The following MLLT3 variants were observed in gnomAD, a reference collection of about 807,000 sequenced individuals.
MLLT3 encodes MLLT3 super elongation complex subunit, also known as protein AF-9.
In MLLT3, 4 loss-of-function variants were observed where a neutral mutation model predicts 53.2. The ratio of observed to expected loss-of-function variants is 0.08; its 90% CI spans 0.04 to 0.17. The LOEUF (loss-of-function observed/expected upper bound fraction) is 0.17, where lower values mean the gene tolerates loss of function less well. MLLT3 is among the 10% of genes least tolerant of loss of function. The pLI is 1.00. For missense variants in MLLT3, 569 were observed against 684.0 expected, an observed-to-expected ratio of 0.83 and a Z score of 1.87; for synonymous variants, 283 against 230.6, an observed-to-expected ratio of 1.23 and a Z score of -2.06.
At chr9:20,381,602 T>C (rs16938043) in intron 5 of MLLT3, among the ~76,000 whole-genome samples, 3,056 of 152,012 alleles carry the variant, frequency 0.02, 70 homozygotes, top group African/African-American at 0.065. Context: ...ATGAAATACA[T>C]GTACTTGCAT....
At chr9:20,557,785 C>G (rs1359528578) in intron 2 of MLLT3, among the ~76,000 whole-genome samples, 1 of 152,156 alleles carries the variant, frequency 6.6e-6, no homozygotes, top group Non-Finnish European at 1.5e-5. Context: ...TACCCTGTTT[C>G]AGAAACAGAA....
intron 2 of MLLT3, among the ~76,000 whole-genome samples, chr9:20,527,583 C>G (rs960145770): frequency 1.2e-4 from 18 of 152,166 alleles, no homozygotes; most frequent in African/African-American, 4.3e-4. Context: ...TCTGCCACTT[C>G]TAAAGTCCAT....
At chr9:20,535,108 G>C (rs1025103185) in intron 2 of MLLT3, among the ~76,000 whole-genome samples, 2 of 152,154 alleles carry the variant, frequency 1.3e-5, no homozygotes, top group African/African-American at 4.8e-5. Flanking sequence ...CCACACGGCA[G>C]GTCAGCGGCA....
intron 10 of MLLT3, among the ~76,000 whole-genome samples, chr9:20,349,949 T>C (rs542330953): frequency 6.6e-6 from 1 of 152,306 alleles, no homozygotes; most frequent in South Asian, 2.1e-4. Context: ...GCTGGGGAGT[T>C]GGGAATTATT....
At chr9:20,599,259 G>A (rs541085093) in intron 2 of MLLT3, among the ~76,000 whole-genome samples, 11 of 150,606 alleles carry the variant, frequency 7.3e-5, no homozygotes, top group Middle Eastern at 3.5e-3. Context: ...AGCCAAGATC[G>A]TGCCACTGCA....
chr9:20,563,509 C>A (rs1163919930), intron 2 of MLLT3, among the ~76,000 whole-genome samples: 1 of 152,062 alleles, frequency 6.6e-6, no homozygotes, highest in Non-Finnish European at 1.5e-5. Context: ...CCCTTATGTG[C>A]ACAAGGAGAG....
chr9:20,489,863 T>C (rs531637392), intron 2 of MLLT3, among the ~76,000 whole-genome samples: 1 of 152,202 alleles, frequency 6.6e-6, no homozygotes, highest in East Asian at 1.9e-4. Context: ...TCCAAGCAGG[T>C]GCCAGAGATA....
intron 2 of MLLT3, chr9:20,532,692 CA>C: frequency 3.8e-6 from 1 of 262,514 alleles, no homozygotes; most frequent in Non-Finnish European, 7.3e-6. Context: ...ATATGCAGCC[CA>C]AAAGGGACTT....
In MLLT3 at chr9:20,620,341, C is replaced by A. The variant is rs1299387093; in HGVS notation, c.193+313G>T. On this transcript the variant is annotated intron_variant, in intron 2 of 10. Transcript: ENST00000380338. The surrounding 1 kb of genome is among the most constrained non-coding windows in gnomAD (Gnocchi z 6.1). ...CAGCCCGATTCCCCACATCTCCAAACTCAACAACTAATTGCACCTTCCCCA... is the reference window on the plus strand; with the variant it reads ...CAGCCCGATTCCCCACATCTCCAAAATCAACAACTAATTGCACCTTCCCCA... 1.3e-5 allele frequency among the ~76,000 whole-genome samples: 2 copies of A among 151,950 alleles called. No homozygotes were observed. The highest frequency in any genetic ancestry group is 3.9e-4 in the East Asian group (2 of 5,158).
chr9:20,477,588 A>G (rs2118899243), intron 2 of MLLT3, among the ~76,000 whole-genome samples: 1 of 152,238 alleles, frequency 6.6e-6, no homozygotes, highest in South Asian at 2.1e-4. Flanking sequence ...TTAAATTAAT[A>G]AATAAATAAA....
At chr9:20,391,132 ATTTGCTGGAT>A (rs963146246) in intron 5 of MLLT3, among the ~76,000 whole-genome samples, 5 of 152,126 alleles carry the variant, frequency 3.3e-5, no homozygotes. Flanking sequence ...TTGCTAGGTG[ATTTGCTGGAT>A]TTCTTGCTTG....
At chr9:20,383,727 G>C (rs140889002) in intron 5 of MLLT3, among the ~76,000 whole-genome samples, 8 of 151,982 alleles carry the variant, frequency 5.3e-5, no homozygotes, top group African/African-American at 1.9e-4. Flanking sequence ...AGTCTTCCCT[G>C]AAAAACACTT....
At chr9:20,530,711 T>C (rs1224954446) in intron 2 of MLLT3, among the ~76,000 whole-genome samples, 1 of 152,206 alleles carries the variant, frequency 6.6e-6, no homozygotes, top group Non-Finnish European at 1.5e-5. Flanking sequence ...CTGTAGCCCA[T>C]CCTCTACATC....
intron 5 of MLLT3, among the ~76,000 whole-genome samples, chr9:20,411,409 T>G (rs567889852): frequency 6.6e-6 from 1 of 152,352 alleles, no homozygotes; most frequent in African/African-American, 2.4e-5. Context: ...AATTCTCTTC[T>G]GTTACGCTAC....
intron 2 of MLLT3, among the ~76,000 whole-genome samples, chr9:20,545,328 C>T (rs1818758662): frequency 6.6e-6 from 1 of 152,062 alleles, no homozygotes. Context: ...ACCACATGAT[C>T]CCACTTACAT....
chr9:20,498,976 T>G (rs1411727), intron 2 of MLLT3, among the ~76,000 whole-genome samples: 43,389 of 152,096 alleles, frequency 0.29, 7,150 homozygotes, highest in African/African-American at 0.45. Context: ...CATGCTAGAA[T>G]TCTGAAATCA....
At chr9:20,557,299 G>T (rs1819085875) in intron 2 of MLLT3, among the ~76,000 whole-genome samples, 1 of 152,088 alleles carries the variant, frequency 6.6e-6, no homozygotes, top group African/African-American at 2.4e-5. Context: ...TGTGGTAGCA[G>T]GTTACCTGGT....
chr9:20,387,496 C>T (rs1338556264), intron 5 of MLLT3, among the ~76,000 whole-genome samples: 2 of 151,938 alleles, frequency 1.3e-5, no homozygotes, highest in African/African-American at 4.8e-5. Flanking sequence ...AGCTTAACTC[C>T]TTCACTAGCT....
chr9:20,597,423 T>A (rs754651090), intron 2 of MLLT3, among the ~76,000 whole-genome samples: 85 of 152,062 alleles, frequency 5.6e-4, no homozygotes, highest in Non-Finnish European at 9.3e-4. Context: ...CAGAAATAGA[T>A]CATCCTTGTC....
Sources: gnomAD v4.1 joint callset for allele counts (sites outside exome capture counted in the v4.1 genomes callset) on GRCh38, gnomAD v4.1.1 for gene constraint, Gnocchi (gnomAD v3.1) non-coding constraint, MANE v1.5 for transcripts, NCBI Gene and HGNC (gene_info 2026-07-23, HGNC 2026-07-21) for gene names.